C1QTNF7: variants seen among roughly 807,000 people sequenced by gnomAD.
The protein encoded by C1QTNF7 is C1q and TNF related 7.
Under a neutral mutation model 19.6 loss-of-function variants are expected in C1QTNF7, and 15 were observed. That is an observed-to-expected ratio of 0.76 (90% CI 0.51 to 1.18). C1QTNF7 has a LOEUF of 1.18. Ranked by LOEUF, C1QTNF7 falls within the 50% of genes most tolerant of loss-of-function variation. The pLI is 0.00. For missense variants in C1QTNF7, 324 were observed against 359.7 expected, an observed-to-expected ratio of 0.90 and a Z score of 0.80; for synonymous variants, 142 against 137.5, an observed-to-expected ratio of 1.03 and a Z score of -0.23.
chr4:15,391,950 G>C lies in C1QTNF7; in HGVS notation c.14-43786G>C, dbSNP rs554650403. Among the ~76,000 whole-genome samples, 41 of 152,172 alleles carry C rather than the reference G, an allele frequency of 2.7e-4. 2 individuals are homozygous for C. The highest frequency in any genetic ancestry group is 2.7e-3 in the Admixed American group (41 of 15,286). ...AACGTGGGTCTTATGAATACAGACA[G>C]GCAGTGAGAGAGAGAGAGGAAGGGA... On this transcript the variant is annotated intron_variant, in intron 1 of 2. Transcript: ENST00000295297.
At chr4:15,351,466 A>C (rs1178915778) in intron 1 of C1QTNF7, among the ~76,000 whole-genome samples, 5 of 152,212 alleles carry the variant, frequency 3.3e-5, no homozygotes, top group Non-Finnish European at 5.9e-5. Context: ...AAAAAGATTC[A>C]AAAGAAGCAT....
chr4:15,420,542 G>A (rs982084176), intron 1 of C1QTNF7, among the ~76,000 whole-genome samples: 8 of 152,174 alleles, frequency 5.3e-5, no homozygotes, highest in African/African-American at 1.9e-4. Context: ...TAGCACAAAT[G>A]TGTCAGTCAA....
chr4:15,405,846 A>T (rs1719176424), intron 1 of C1QTNF7, among the ~76,000 whole-genome samples: 1 of 152,078 alleles, frequency 6.6e-6, no homozygotes. Flanking sequence ...TTCACCTCTG[A>T]TACCCCCACT....
At chr4:15,418,268 G>A (rs532468305) in intron 1 of C1QTNF7, among the ~76,000 whole-genome samples, 9 of 151,578 alleles carry the variant, frequency 5.9e-5, no homozygotes, top group African/African-American at 1.2e-4. Flanking sequence ...CTCCATCATC[G>A]TTTTATGCAC....
In C1QTNF7 at chr4:15,442,312, G is replaced by A; in HGVS notation, c.383G>A (p.Gly128Glu). ...IGPPGPKGDR[G>E]EQGDPGLPGV... Reference sequence around the variant, plus strand: ...CCTCCTGGACCAAAGGGAGACAGAGGAGAACAAGGGGACCCGGGGCTGCCT... The same window carrying A: ...CCTCCTGGACCAAAGGGAGACAGAGAAGAACAAGGGGACCCGGGGCTGCCT... Residue 128 changes from glycine (G) to glutamate (E), a missense_variant, in exon 3 of 3, where the codon GGA becomes GAA. Transcript: ENST00000444304. The A allele has an allele frequency of 6.2e-7, 1 of 1,614,134 alleles. No individual in the cohort carries two copies. Among genetic ancestry groups the A allele is most frequent in the Admixed American group, 1.7e-5 (1 of 60,024 alleles).
chr4:15,349,323 C>T (rs1240431361), intron 1 of C1QTNF7, among the ~76,000 whole-genome samples: 1 of 152,172 alleles, frequency 6.6e-6, no homozygotes, highest in African/African-American at 2.4e-5. Context: ...CCCGCTCACT[C>T]TAAATTCTTT....
At chr4:15,364,527 C>T (rs1717443793) in intron 1 of C1QTNF7, among the ~76,000 whole-genome samples, 1 of 152,188 alleles carries the variant, frequency 6.6e-6, no homozygotes. Context: ...GAGAGATGCT[C>T]AGCAGATAAT....
chr4:15,382,466 C>T (rs1718184016), intron 1 of C1QTNF7, among the ~76,000 whole-genome samples: 1 of 152,076 alleles, frequency 6.6e-6, no homozygotes, highest in Non-Finnish European at 1.5e-5. Flanking sequence ...CGAATGAATG[C>T]TGCAACCTTC....
intron 1 of C1QTNF7, among the ~76,000 whole-genome samples, chr4:15,345,992 CT>C (rs762189558): frequency 2.6e-5 from 4 of 152,190 alleles, no homozygotes; most frequent in Non-Finnish European, 5.9e-5. Context: ...CACAGGGACT[CT>C]CAGAAAGGAT....
chr4:15,381,172 C>T (rs1718127095), intron 1 of C1QTNF7, among the ~76,000 whole-genome samples: 1 of 152,038 alleles, frequency 6.6e-6, no homozygotes, highest in South Asian at 2.1e-4. Flanking sequence ...AATGCCAGCA[C>T]TTTGGGAGGC....
At position 15,435,798 on chromosome 4, in the gene C1QTNF7, C is replaced by A. The variant is rs779357256; in HGVS notation, c.55C>A (p.Arg19=). 6.2e-7 allele frequency: 1 copy of A among 1,614,012 alleles called. No homozygotes were observed. Among genetic ancestry groups the A allele is most frequent in the African/African-American group, 1.3e-5 (1 of 74,896 alleles). Residue 19 remains arginine, a synonymous_variant, in exon 2 of 3, where the codon CGG becomes AGG. Transcript: ENST00000444304. The part of the protein sequence containing the change: ...SFAICASGQP[R]GNQLKGENYS... ...TGCCATTTGTGCCAGTGGACAACCC[C>A]GGGGTAATCAGTTGAAAGGAGAGAA... is the stretch of plus-strand genomic sequence containing the variant.
intron 1 of C1QTNF7, among the ~76,000 whole-genome samples, chr4:15,417,827 A>G (rs930476986): frequency 1.3e-5 from 2 of 152,198 alleles, no homozygotes; most frequent in African/African-American, 4.8e-5. Context: ...GAGCCTCGGG[A>G]AGCAAAGGAG....
intron 1 of C1QTNF7, among the ~76,000 whole-genome samples, chr4:15,415,856 A>G (rs10212846): frequency 0.86 from 130,817 of 152,186 alleles, 56,341 homozygotes; most frequent in East Asian, 0.98. Context: ...TGCCTTTGTC[A>G]TTAAATGTTA....
At position 15,345,616 on chromosome 4, in the gene C1QTNF7, G is replaced by C. The variant is rs773211135; in HGVS notation, c.13+5409G>C. On this transcript the variant is annotated intron_variant, in intron 1 of 2. Coordinates refer to the C1QTNF7 transcript ENST00000295297. ...AAATACAGAAGGCTGGGCAACACTCGTGAAATGATAAGGCAGAGGTGAAAA... is the reference window on the plus strand; with the variant it reads ...AAATACAGAAGGCTGGGCAACACTCCTGAAATGATAAGGCAGAGGTGAAAA... Among the ~76,000 whole-genome samples the C allele has an allele frequency of 5.3e-5, 8 of 152,288 alleles. No individual in the cohort carries two copies. The South Asian group carries it at 1.7e-3, about 32-fold the overall frequency.
At chr4:15,386,147 C>A (rs905425382) in intron 1 of C1QTNF7, among the ~76,000 whole-genome samples, 2 of 152,184 alleles carry the variant, frequency 1.3e-5, no homozygotes, top group Admixed American at 6.5e-5. Flanking sequence ...GCATCCCAGC[C>A]CGGCTCCACA....
intron 1 of C1QTNF7, among the ~76,000 whole-genome samples, chr4:15,408,321 G>A (rs934537799): frequency 6.8e-6 from 1 of 146,952 alleles, no homozygotes. Flanking sequence ...ATACAGATAA[G>A]TATGTATATA....
intron 2 of C1QTNF7, among the ~76,000 whole-genome samples, chr4:15,438,552 T>C (rs1251161807): frequency 6.6e-6 from 1 of 152,238 alleles, no homozygotes; most frequent in Non-Finnish European, 1.5e-5. Flanking sequence ...CAGAGTTTAT[T>C]ACACAAAGTT....
At chr4:15,392,076 A>G (rs752462883) in intron 1 of C1QTNF7, among the ~76,000 whole-genome samples, 2 of 152,202 alleles carry the variant, frequency 1.3e-5, no homozygotes, top group Admixed American at 1.3e-4. Context: ...ACTGAGGGAT[A>G]TTAATTAGAA....
intron 1 of C1QTNF7, among the ~76,000 whole-genome samples, chr4:15,347,833 T>C (rs1429054052): frequency 6.6e-6 from 1 of 152,200 alleles, no homozygotes; most frequent in African/African-American, 2.4e-5. Context: ...TAAGCCCATC[T>C]CATAAAAAGA....
Sources: allele counts gnomAD v4.1 joint callset (sites outside exome capture counted in the v4.1 genomes callset), GRCh38; gene constraint gnomAD v4.1.1; transcripts MANE v1.5; gene names NCBI Gene and HGNC (gene_info 2026-07-23, HGNC 2026-07-21).